Variants in CSMD1 observed in about 807,000 individuals in gnomAD.
CSMD1 encodes the protein CUB and sushi domain-containing protein 1.
In CSMD1, 213 loss-of-function variants were observed where a neutral mutation model predicts 417.5. The ratio of observed to expected loss-of-function variants is 0.51; its 90% CI spans 0.46 to 0.57. The LOEUF (loss-of-function observed/expected upper bound fraction) is 0.57, where lower values mean the gene tolerates loss of function less well. CSMD1 is among the 20% of genes least tolerant of loss of function. CSMD1 has a pLI of 0.00. For missense variants in CSMD1, 6,923 were observed against 4,529.7 expected, an observed-to-expected ratio of 1.53 and a Z score of -15.17; for synonymous variants, 2,862 against 1,736.8, an observed-to-expected ratio of 1.65 and a Z score of -16.11.
intron 3 of CSMD1, among the ~76,000 whole-genome samples, chr8:4,059,466 G>C (rs562058082): frequency 2.6e-5 from 4 of 152,104 alleles, no homozygotes; most frequent in African/African-American, 4.8e-5. Flanking sequence ...AGGAAATAGA[G>C]ATGCAAATAA....
At chr8:4,608,831 G>A (rs2061750) in intron 2 of CSMD1, among the ~76,000 whole-genome samples, 34 of 152,086 alleles carry the variant, frequency 2.2e-4, no homozygotes, top group African/African-American at 8.0e-4. Flanking sequence ...CATATGGGCA[G>A]AAGAAGAGAT....
chr8:3,286,240 G>C (rs1391587653), intron 25 of CSMD1, among the ~76,000 whole-genome samples: 4 of 152,104 alleles, frequency 2.6e-5, no homozygotes, highest in Non-Finnish European at 5.9e-5. Flanking sequence ...TGGACATTTG[G>C]GTTGGTTCCA....
chr8:4,820,571 C>T (rs1018806308), intron 1 of CSMD1, among the ~76,000 whole-genome samples: 2 of 152,044 alleles, frequency 1.3e-5, no homozygotes, highest in African/African-American at 2.4e-5. Context: ...AAAAAGTGAG[C>T]AAAGAAATGC....
At position 4,566,217 on chromosome 8, in the gene CSMD1, C is replaced by T. The variant is rs575664051; in HGVS notation, c.302+71125G>A. Among the ~76,000 whole-genome samples the T allele has an allele frequency of 4.1e-3, 629 of 152,076 alleles. 5 individuals carry two copies. Among genetic ancestry groups the T allele is most frequent in the South Asian group, 7.9e-3 (38 of 4,824 alleles). On this transcript the variant is annotated intron_variant, in intron 2 of 69. Transcript: ENST00000635120. Reference sequence around the variant, plus strand: ...TAGACCATGCTAGTCAAAATGTATACATTCAACAATGTAGCTATGAAAATT... The same window carrying T: ...TAGACCATGCTAGTCAAAATGTATATATTCAACAATGTAGCTATGAAAATT...
rs371920960 is a variant in CSMD1, at chr8:4,757,307, T to C, written c.86-119749A>G. On this transcript the variant is annotated intron_variant, in intron 1 of 69. Transcript: ENST00000635120. Reference sequence around the variant, plus strand: ...AATAAAAGATATACGTGACTAATCATAACCTGGCTATCATGTCTTGAATTT... The same window carrying C: ...AATAAAAGATATACGTGACTAATCACAACCTGGCTATCATGTCTTGAATTT... 9.2e-5 allele frequency among the ~76,000 whole-genome samples: 14 copies of C among 152,348 alleles called. No individual in the cohort carries two copies. In the South Asian group the frequency reaches 2.5e-3, roughly 27 times the overall value.
At chr8:4,322,509 G>A (rs1382755115) in intron 3 of CSMD1, among the ~76,000 whole-genome samples, 1 of 152,072 alleles carries the variant, frequency 6.6e-6, no homozygotes, top group Admixed American at 6.6e-5. Flanking sequence ...TGTGGGTTCA[G>A]GGAAGGCTGT....
chr8:3,199,692 A>C, intron 33 of CSMD1, 22 bp downstream of exon 33: 1 of 1,489,396 alleles, frequency 6.7e-7, no homozygotes, highest in Non-Finnish European at 9.2e-7. Flanking sequence ...TGACATGTGG[A>C]GACATGTGGA....
At chr8:3,256,728 G>A (rs538230250) in intron 26 of CSMD1, among the ~76,000 whole-genome samples, 1 of 152,298 alleles carries the variant, frequency 6.6e-6, no homozygotes, top group South Asian at 2.1e-4. Flanking sequence ...CACCTTTGAT[G>A]TCTGCATGTT....
intron 2 of CSMD1, among the ~76,000 whole-genome samples, chr8:4,424,254 T>C (rs1468073968): frequency 2.6e-5 from 4 of 152,040 alleles, no homozygotes; most frequent in Admixed American, 6.6e-5. Flanking sequence ...TAAAAGTGTA[T>C]GCTGCAGACT....
At chr8:3,873,933 G>A (rs1004448310) in intron 5 of CSMD1, among the ~76,000 whole-genome samples, 3 of 152,124 alleles carry the variant, frequency 2.0e-5, no homozygotes, top group Non-Finnish European at 2.9e-5. Flanking sequence ...TCTGACTTTG[G>A]ATTCTGAAAA....
chr8:3,542,509 T>C (rs1798482910), intron 10 of CSMD1, among the ~76,000 whole-genome samples: 1 of 152,176 alleles, frequency 6.6e-6, no homozygotes, highest in Non-Finnish European at 1.5e-5. Context: ...AATCAGTGAC[T>C]ACATCCTGTG....
chr8:3,048,831 C>A (rs1235716592), intron 50 of CSMD1, among the ~76,000 whole-genome samples: 2 of 148,726 alleles, frequency 1.3e-5, no homozygotes, highest in Non-Finnish European at 3.0e-5. Flanking sequence ...TTGCAAAAGA[C>A]ATATGGGATA....
intron 1 of CSMD1, among the ~76,000 whole-genome samples, chr8:4,965,070 CT>C (rs1156245375): frequency 6.6e-6 from 1 of 152,178 alleles, no homozygotes; most frequent in Non-Finnish European, 1.5e-5. Flanking sequence ...TTCAAAGCCT[CT>C]CAAAATCTCT....
At chr8:4,382,870 G>A (rs1488622870) in intron 3 of CSMD1, among the ~76,000 whole-genome samples, 3 of 152,152 alleles carry the variant, frequency 2.0e-5, no homozygotes, top group South Asian at 2.1e-4. Context: ...GGAGCTCAAG[G>A]CGCAGTAAGA....
chr8:4,002,225 G>C (rs1322118318), intron 4 of CSMD1, among the ~76,000 whole-genome samples: 2 of 152,062 alleles, frequency 1.3e-5, no homozygotes, highest in Non-Finnish European at 2.9e-5. Context: ...GTGAGTGTGT[G>C]TGCATGTGTG....
chr8:3,620,087 G>T (rs2117188421), intron 7 of CSMD1, among the ~76,000 whole-genome samples: 1 of 152,160 alleles, frequency 6.6e-6, no homozygotes, highest in East Asian at 1.9e-4. Flanking sequence ...GGGCAACAGA[G>T]CAAGGCTCCA....
At chr8:4,754,927 G>A (rs901459716) in intron 1 of CSMD1, among the ~76,000 whole-genome samples, 4 of 151,878 alleles carry the variant, frequency 2.6e-5, no homozygotes, top group African/African-American at 4.8e-5. Flanking sequence ...TCACAAGGTC[G>A]GGAGTTCGAA....
chr8:4,412,000 G>C (rs1796675017), intron 3 of CSMD1, among the ~76,000 whole-genome samples: 2 of 143,270 alleles, frequency 1.4e-5, no homozygotes, highest in Admixed American at 6.8e-5. Flanking sequence ...GTGTGTGTGT[G>C]TGTGTGTGTG....
At chr8:4,848,561 C>T (rs1169258682) in intron 1 of CSMD1, among the ~76,000 whole-genome samples, 19 of 148,544 alleles carry the variant, frequency 1.3e-4, no homozygotes, top group African/African-American at 3.3e-4. Context: ...TTTTTTGAGA[C>T]GGAGTCTCAC....
Sources: allele counts gnomAD v4.1 joint callset (sites outside exome capture counted in the v4.1 genomes callset), GRCh38; gene constraint gnomAD v4.1.1; transcripts MANE v1.5; gene names NCBI Gene and HGNC (gene_info 2026-07-23, HGNC 2026-07-21).